Variants in PBX1 observed in about 807,000 individuals in gnomAD.
PBX1 encodes pre-B-cell leukemia transcription factor 1.
In PBX1, 6 loss-of-function variants were observed where a neutral mutation model predicts 53.4. That is an observed-to-expected ratio of 0.11 (90% CI 0.06 to 0.22). The LOEUF (loss-of-function observed/expected upper bound fraction) is 0.22. PBX1 is among the 10% of genes least tolerant of loss of function. The pLI, the probability that PBX1 is intolerant of heterozygous loss-of-function variation, is 1.00. For synonymous variants in PBX1, 204 were observed against 212.3 expected, an observed-to-expected ratio of 0.96 and a Z score of 0.34; for missense variants, 251 against 551.4, an observed-to-expected ratio of 0.46 and a Z score of 5.46.
At chr1:164,833,828 CAT>C (rs1417963081) in intron 8 of PBX1, among the ~76,000 whole-genome samples, 1 of 151,022 alleles carries the variant, frequency 6.6e-6, no homozygotes, top group African/African-American at 2.4e-5. Flanking sequence ...CCCCCACAAA[CAT>C]GTATTTTTGT....
chr1:164,830,295 CAAAATGAAGGTT>C (rs1180133031), intron 8 of PBX1, among the ~76,000 whole-genome samples: 4 of 152,198 alleles, frequency 2.6e-5, no homozygotes, highest in East Asian at 1.9e-4. Context: ...ATGTAAATTG[CAAAATGAAGGTT>C]AAAATGAAGC....
chr1:164,842,435 G>GTAAA (rs1671347808), intron 8 of PBX1, among the ~76,000 whole-genome samples: 1 of 152,194 alleles, frequency 6.6e-6, no homozygotes, highest in Non-Finnish European at 1.5e-5. Context: ...AGACCATAGA[G>GTAAA]TAAATAGTCA....
chr1:164,564,257 CTATTTATT>C (rs2101691143), intron 2 of PBX1, among the ~76,000 whole-genome samples: 1 of 152,170 alleles, frequency 6.6e-6, no homozygotes, highest in African/African-American at 2.4e-5. Flanking sequence ...ACCTGACATC[CTATTTATT>C]TATTTATTTT....
In PBX1 at chr1:164,709,857, G is replaced by A. The variant is rs145696964; in HGVS notation, c.266-82637G>A. On this transcript the variant is annotated intron_variant, in intron 2 of 8. Coordinates refer to ENST00000420696, the MANE Select transcript of PBX1 (RefSeq NM_002585.4). ...ACTTGACAGTGAAATACCAGAAGTCGTCTCGGGTCCGGAGTGCTGTCTGCA... is the reference window on the plus strand; with the variant it reads ...ACTTGACAGTGAAATACCAGAAGTCATCTCGGGTCCGGAGTGCTGTCTGCA... Among the ~76,000 whole-genome samples the A allele has an allele frequency of 2.4e-3, 360 of 152,256 alleles. 3 individuals are homozygous for A. The highest frequency in any genetic ancestry group is 8.4e-3 in the African/African-American group (349 of 41,534).
chr1:164,750,109 G>GA (rs113976702), intron 2 of PBX1, among the ~76,000 whole-genome samples: 14,789 of 138,118 alleles, frequency 0.11, 1,236 homozygotes, highest in African/African-American at 0.23. Flanking sequence ...AAAATCGGAA[G>GA]AAAAAAAAAA....
At chr1:164,866,012 T>C (rs1355685689) in intron 2 of PBX1, among the ~76,000 whole-genome samples, 2 of 152,198 alleles carry the variant, frequency 1.3e-5, no homozygotes, top group African/African-American at 4.8e-5. Context: ...CACAGTTACC[T>C]CAATTCTTTC....
chr1:164,668,929 GTTTAGAT>G (rs1313561019), intron 2 of PBX1, among the ~76,000 whole-genome samples: 3 of 152,180 alleles, frequency 2.0e-5, no homozygotes, highest in Non-Finnish European at 4.4e-5. Flanking sequence ...GGCAGAATCC[GTTTAGAT>G]TTTAGCACAC....
At chr1:164,774,164 T>TA (rs1009961048) in intron 2 of PBX1, among the ~76,000 whole-genome samples, 52 of 151,182 alleles carry the variant, frequency 3.4e-4, no homozygotes, top group African/African-American at 5.3e-4. Flanking sequence ...AATGACAGAA[T>TA]AAAAAAAAAA....
intron 2 of PBX1, among the ~76,000 whole-genome samples, chr1:164,657,571 T>G (rs933059799): frequency 5.3e-5 from 8 of 152,220 alleles, no homozygotes; most frequent in African/African-American, 1.9e-4. Flanking sequence ...TCAAAATTCA[T>G]GCAAGAGGCT....
intron 2 of PBX1, among the ~76,000 whole-genome samples, chr1:164,662,833 TTTA>T (rs1387560470): frequency 2.3e-5 from 2 of 87,340 alleles, no homozygotes; most frequent in African/African-American, 6.2e-5. Flanking sequence ...TGTGTGAACA[TTTA>T]TTTTTTTTCT....
At chr1:164,623,054 C>A (rs377007945) in intron 2 of PBX1, among the ~76,000 whole-genome samples, 14 of 152,222 alleles carry the variant, frequency 9.2e-5, no homozygotes, top group African/African-American at 2.6e-4. Context: ...ACCTCGTGAT[C>A]CACCTGCCTC....
At chr1:164,879,965 G>A (rs147648231) in intron 2 of PBX1, among the ~76,000 whole-genome samples, 1,532 of 152,284 alleles carry the variant, frequency 0.01, 9 homozygotes, top group Non-Finnish European at 0.016. Flanking sequence ...TGGGGAATGA[G>A]GGCAGAGGTG....
At chr1:164,775,056 G>C (rs369374958) in intron 2 of PBX1, among the ~76,000 whole-genome samples, 6 of 152,134 alleles carry the variant, frequency 3.9e-5, no homozygotes, top group African/African-American at 9.7e-5. Context: ...TCTGTGCTTC[G>C]CTACACCGAG....
intron 2 of PBX1, among the ~76,000 whole-genome samples, chr1:164,773,877 G>A (rs1035395053): frequency 2.6e-5 from 4 of 152,212 alleles, no homozygotes; most frequent in East Asian, 1.9e-4. Flanking sequence ...CAGTGTTAAC[G>A]CAGTGGATCT....
chr1:164,710,093 C>A (rs191952256), intron 2 of PBX1, among the ~76,000 whole-genome samples: 16 of 152,310 alleles, frequency 1.1e-4, no homozygotes, highest in Admixed American at 3.9e-4. Flanking sequence ...ATGTAGAATG[C>A]TTAGGTCAGT....
intron 2 of PBX1, among the ~76,000 whole-genome samples, chr1:164,725,820 G>T (rs1664673538): frequency 6.6e-6 from 1 of 152,122 alleles, no homozygotes; most frequent in Non-Finnish European, 1.5e-5. Flanking sequence ...TCATTTTTGA[G>T]CAAGAAAGCC....
intron 2 of PBX1, among the ~76,000 whole-genome samples, chr1:164,651,176 C>G (rs978360734): frequency 6.6e-6 from 1 of 152,126 alleles, no homozygotes; most frequent in Non-Finnish European, 1.5e-5. Context: ...TTATTTCCTT[C>G]TTTCCCATCC....
intron 2 of PBX1, among the ~76,000 whole-genome samples, chr1:164,627,395 G>A (rs924661980): frequency 6.6e-6 from 1 of 152,074 alleles, no homozygotes; most frequent in African/African-American, 2.4e-5. Context: ...TGTGTGGCCG[G>A]CAATTGCTTG....
chr1:164,809,348 T>A (rs911514905), intron 5 of PBX1, among the ~76,000 whole-genome samples: 11 of 152,160 alleles, frequency 7.2e-5, no homozygotes, highest in African/African-American at 2.7e-4. Flanking sequence ...CTTATTTACA[T>A]ATTGTGTCAC....
Sources: gnomAD v4.1 joint callset for allele counts (sites outside exome capture counted in the v4.1 genomes callset) on GRCh38, gnomAD v4.1.1 for gene constraint, MANE v1.5 for transcripts, NCBI Gene and HGNC (gene_info 2026-07-23, HGNC 2026-07-21) for gene names.